SUPT5H: variants seen among roughly 807,000 people sequenced by gnomAD.
SUPT5H encodes SPT5 homolog, DSIF elongation factor subunit, also known as transcription elongation factor SPT5.
Under a neutral mutation model 142.5 loss-of-function variants are expected in SUPT5H, and 24 were observed. The ratio of observed to expected loss-of-function variants is 0.17; its 90% CI spans 0.12 to 0.24. The LOEUF is 0.24. Among genes scored for constraint, SUPT5H ranks in the 10% least tolerant of loss-of-function variants. The probability of loss-of-function intolerance (pLI) is 1.00; values close to 1 mark genes in which losing one functional copy is unlikely to be tolerated. For missense variants in SUPT5H, 893 were observed against 1,471.8 expected (o/e 0.61, Z 6.43); for synonymous variants, 546 against 553.0 (o/e 0.99, Z 0.18).
At chr19:39,459,367 G>A (rs2079131917) in intron 8 of SUPT5H, 118 bp downstream of exon 8, 1 of 1,367,822 alleles carries the variant, frequency 7.3e-7, no homozygotes, top group Non-Finnish European at 1.0e-6. Flanking sequence ...GCAGTGTGGT[G>A]GATGGCAGGG....
Position 39,471,595 on chromosome 19 carries a change from C to T in SUPT5H, c.1825-10C>T. 1.9e-6 allele frequency: 3 copies of T among 1,614,130 alleles called. No individual in the cohort carries two copies. Among genetic ancestry groups the T allele is most frequent in the Middle Eastern group, 1.6e-4 (1 of 6,062 alleles). ...ATGGTCAAGAGAGTGACCCTTCTCTCCCCGGCTAGGGCCGAGAAGGGGAGA... is the reference window on the plus strand; with the variant it reads ...ATGGTCAAGAGAGTGACCCTTCTCTTCCCGGCTAGGGCCGAGAAGGGGAGA... On this transcript the variant is annotated splice_polypyrimidine_tract_variant and intron_variant, in intron 19 of 29. Coordinates refer to ENST00000432763, the MANE Select transcript of SUPT5H (RefSeq NM_001111020.3).
Position 39,458,765 on chromosome 19 carries a change from G to C in SUPT5H, c.320-53G>C. ...TAGCTGCACGCTCCTATTTTCTCCA[G>C]GCCCCTGCCCTCCACCTGCCCTTGC... is the stretch of plus-strand genomic sequence containing the variant. On this transcript the variant is annotated intron_variant, in intron 5 of 29. Transcript: ENST00000432763. The surrounding 1 kb of genome is among the most constrained non-coding windows in gnomAD (Gnocchi z 4.2). 2 of 1,535,358 alleles carry C rather than the reference G, an allele frequency of 1.3e-6. No homozygotes were observed. The highest frequency in any genetic ancestry group is 1.8e-6 in the Non-Finnish European group (2 of 1,129,956).
intron 2 of SUPT5H, among the ~76,000 whole-genome samples, chr19:39,452,751 C>T (rs1441938583): frequency 6.6e-6 from 1 of 152,106 alleles, no homozygotes; most frequent in Non-Finnish European, 1.5e-5. Context: ...TGGCTCACAC[C>T]TGTAATCCCA....
At chr19:39,446,830 AAC>A (rs1285906805) in intron 2 of SUPT5H, among the ~76,000 whole-genome samples, 1 of 152,184 alleles carries the variant, frequency 6.6e-6, no homozygotes, top group African/African-American at 2.4e-5. Context: ...AACATGGTGA[AAC>A]ACCATTTCTA....
At position 39,466,631 on chromosome 19, in the gene SUPT5H, GC is replaced by G; in HGVS notation, c.967-39del. ...TGTGCTCGATCCCACTGGTGGCCAAGCCCCCTCCCTCACCCTTCCCACCCAT... is the reference window on the plus strand; with the variant it reads ...TGTGCTCGATCCCACTGGTGGCCAAGCCCCTCCCTCACCCTTCCCACCCAT... On this transcript the variant is annotated intron_variant, in intron 12 of 29. Transcript: ENST00000432763. This position sits in a 1 kb window ranked among gnomAD's most constrained non-coding sequence, Gnocchi z 4.3. 3.1e-6 allele frequency: 5 copies of G among 1,613,406 alleles called. No homozygotes were observed. In the Middle Eastern group the frequency reaches 5.0e-4, roughly 160 times the overall value.
intron 2 of SUPT5H, 45 bp downstream of exon 2, chr19:39,446,010 G>C: frequency 6.3e-7 from 1 of 1,589,634 alleles, no homozygotes. Flanking sequence ...CTGGGGACAG[G>C]ACTCCGGGCA....
At position 39,469,605 on chromosome 19, in the gene SUPT5H, C is replaced by G. The variant is rs539164197; in HGVS notation, c.1374+207C>G. ...CAGGCCTGCCTGGTGGTGTCTGTCT[C>G]TGGAGAGTGACTTGGTCTATCTTTT... On this transcript the variant is annotated intron_variant, in intron 16 of 29. Coordinates refer to ENST00000432763, the MANE Select transcript of SUPT5H (RefSeq NM_001111020.3). The surrounding 1 kb of genome is among the most constrained non-coding windows in gnomAD (Gnocchi z 5.1). The G allele has an allele frequency of 1.5e-6, 1 of 661,534 alleles. No homozygotes were observed. The highest frequency in any genetic ancestry group is 1.8e-5 in the African/African-American group (1 of 55,196). The allele number at this position is 661,534 out of a possible 1,614,324, so 41.0% of individuals were successfully genotyped here.
At chr19:39,463,302 T>A (rs1040120221) in intron 10 of SUPT5H, among the ~76,000 whole-genome samples, 1 of 151,944 alleles carries the variant, frequency 6.6e-6, no homozygotes, top group Non-Finnish European at 1.5e-5. Context: ...GCTCCTGGCC[T>A]TTTTTTTCTT....
intron 29 of SUPT5H, 34 bp from the exon 30 acceptor site, chr19:39,476,222 A>G: frequency 6.2e-7 from 1 of 1,614,050 alleles, no homozygotes; most frequent in Non-Finnish European, 8.5e-7. Flanking sequence ...TTGGGTGCTG[A>G]CATGGACCCT....
intron 10 of SUPT5H, among the ~76,000 whole-genome samples, chr19:39,460,677 G>C (rs964082837): frequency 5.9e-5 from 9 of 152,088 alleles, no homozygotes; most frequent in Non-Finnish European, 1.2e-4. Flanking sequence ...AGAAGTTGCG[G>C]TGAGCCGAGA....
chr19:39,470,500 C>A lies in SUPT5H; in HGVS notation c.1654C>A (p.Arg552=). 1 of 1,577,124 alleles carries A rather than the reference C, an allele frequency of 6.3e-7. No individual in the cohort carries two copies. The highest frequency in any genetic ancestry group is 8.6e-7 in the Non-Finnish European group (1 of 1,161,022). ...TCCCCAGACTGTGGGTGTCATCGTG[C>A]GACTAGAACGGGAGACCTTCCAGGT... is the stretch of plus-strand genomic sequence containing the variant. ...LDPQTVGVIV[R]LERETFQVLN... The change falls in exon 18 of 30, where the codon CGA becomes AGA. Residue 552 remains arginine, a synonymous_variant. Coordinates refer to ENST00000432763, the MANE Select transcript of SUPT5H (RefSeq NM_001111020.3). The surrounding 1 kb of genome is among the most constrained non-coding windows in gnomAD (Gnocchi z 5.8).
rs2078947192 is a variant in SUPT5H at position 39,445,920 on chromosome 19, C to T, written c.30C>T (p.Ser10=). 2 of 1,613,534 alleles carry T rather than the reference C, an allele frequency of 1.2e-6. No individual in the cohort carries two copies. Among genetic ancestry groups the T allele is most frequent in the Non-Finnish European group, 1.7e-6 (2 of 1,180,028 alleles). The change falls in exon 2 of 30, where the codon TCC becomes TCT. Residue 10 remains serine, a synonymous_variant. Transcript: ENST00000432763. ...CGGACAGCGAGGACAGCAACTTTTC[C>T]GAGGAGGAGGACAGCGAGCGCAGCA... MSDSEDSNF[S]EEEDSERSSD...
intron 2 of SUPT5H, among the ~76,000 whole-genome samples, chr19:39,453,103 G>GC (rs1216792416): frequency 1.3e-5 from 2 of 152,042 alleles, no homozygotes; most frequent in East Asian, 3.9e-4. Context: ...TGGAAAGTGA[G>GC]CAAGAGGTCT....
rs564638947 is a variant in SUPT5H at position 39,476,413 on chromosome 19, G to C, written c.*14G>C. The C allele has an allele frequency of 1.9e-6, 3 of 1,613,732 alleles. No individual in the cohort carries two copies. The highest frequency in any genetic ancestry group is 2.5e-6 in the Non-Finnish European group (3 of 1,179,988). ...CTGGAAGCCTGAAGCAGGCAGGGCC[G>C]GTGGACTTCGTCGGATGAAGAGTGA... On this transcript the variant is annotated 3_prime_UTR_variant, in exon 30 of 30. Transcript: ENST00000432763.
Position 39,472,988 on chromosome 19 carries a change from G to A in SUPT5H, c.2156-24G>A. On this transcript the variant is annotated intron_variant, in intron 22 of 29. Coordinates refer to ENST00000432763, the MANE Select transcript of SUPT5H (RefSeq NM_001111020.3). This position sits in a 1 kb window ranked among gnomAD's most constrained non-coding sequence, Gnocchi z 4.2. ...GGCATGGTGAAGGAGAGCCTGCCCA[G>A]CCTGACCTCCTGTCCCCCTGCAGGC... 2 of 1,612,922 alleles carry A rather than the reference G, an allele frequency of 1.2e-6. No homozygotes were observed. Among genetic ancestry groups the A allele is most frequent in the Non-Finnish European group, 1.7e-6 (2 of 1,179,194 alleles).
Position 39,469,293 on chromosome 19 carries a change from G to C in SUPT5H, c.1269G>C (p.Gly423=). ...AGCGGGAGCACAACTTCCAACCTGG[G>C]GACAACGTGGAGGTCTGTGAGGGTG... The part of the protein sequence containing the change: ...GKEREHNFQP[G]DNVEVCEGEL... The change falls in exon 16 of 30, where the codon GGG becomes GGC. Residue 423 remains glycine (G), a synonymous_variant. Coordinates refer to ENST00000432763, the MANE Select transcript of SUPT5H (RefSeq NM_001111020.3). This position sits in a 1 kb window ranked among gnomAD's most constrained non-coding sequence, Gnocchi z 5.1. 9 of 1,614,184 alleles carry C rather than the reference G, an allele frequency of 5.6e-6. No homozygotes were observed. Among genetic ancestry groups the C allele is most frequent in the Non-Finnish European group, 7.6e-6 (9 of 1,180,014 alleles).
In SUPT5H at chr19:39,461,838, A is replaced by AAAT. The variant is rs1206908906; in HGVS notation, c.624+1894_624+1896dup. Among the ~76,000 whole-genome samples, 235 of 138,442 alleles carry AAAT rather than the reference A, an allele frequency of 1.7e-3. 4 individuals carry two copies. The highest frequency in any genetic ancestry group is 3.6e-3 in the Middle Eastern group (1 of 278). The allele number at this position is 138,442 out of a possible 152,430, so 90.8% of individuals were successfully genotyped here. A position where few individuals can be genotyped will look rare whatever the true frequency, so the allele number is the denominator to read the frequency against. Reference sequence around the variant, plus strand: ...GACTGTCTCAAAAAAAAAAAAAAAAAAATAATAATAATAATAATTAAAAGA... The same window carrying AAAT: ...GACTGTCTCAAAAAAAAAAAAAAAAAAATAATAATAATAATAATAATTAAAAGA... On this transcript the variant is annotated intron_variant, in intron 10 of 29. Coordinates refer to ENST00000432763, the MANE Select transcript of SUPT5H (RefSeq NM_001111020.3).
intron 10 of SUPT5H, among the ~76,000 whole-genome samples, chr19:39,460,675 C>T (rs1485300714): frequency 1.3e-5 from 2 of 151,976 alleles, no homozygotes; most frequent in Non-Finnish European, 2.9e-5. Context: ...GCAGAAGTTG[C>T]GGTGAGCCGA....
At chr19:39,452,229 A>G (rs577911811) in intron 2 of SUPT5H, among the ~76,000 whole-genome samples, 244 of 152,246 alleles carry the variant, frequency 1.6e-3, no homozygotes, top group Non-Finnish European at 1.7e-3. Flanking sequence ...CATCTAGGGG[A>G]GGCATCCAGG....
Sources: gnomAD v4.1 joint callset for allele counts (sites outside exome capture counted in the v4.1 genomes callset) on GRCh38, gnomAD v4.1.1 for gene constraint, Gnocchi (gnomAD v3.1) non-coding constraint, MANE v1.5 for transcripts, NCBI Gene and HGNC (gene_info 2026-07-23, HGNC 2026-07-21) for gene names.